GPR21: variants seen among roughly 807,000 people sequenced by gnomAD.
The protein encoded by GPR21 is probable G protein-coupled receptor 21.
Under a neutral mutation model 21.5 loss-of-function variants are expected in GPR21, and 9 were observed. The observed-to-expected ratio is 0.42, with a 90% confidence interval of 0.25 to 0.73. The LOEUF is 0.73. Ranked by LOEUF, GPR21 falls within the 30% of genes least tolerant of loss-of-function variation. The pLI is 0.27. For synonymous variants in GPR21, 169 were observed against 159.3 expected, an observed-to-expected ratio of 1.06 and a Z score of -0.46; for missense variants, 416 against 428.9, an observed-to-expected ratio of 0.97 and a Z score of 0.27.
chr9:123,035,127 C>A lies in GPR21; in HGVS notation c.561C>A (p.Thr187=). 6.2e-7 allele frequency: 1 copy of A among 1,613,672 alleles called. No individual in the cohort carries two copies. The highest frequency in any genetic ancestry group is 8.5e-7 in the Non-Finnish European group (1 of 1,179,618). Residue 187 remains threonine, a synonymous_variant, in exon 2 of 2, where the codon ACC becomes ACA. Transcript: ENST00000616002. Reference sequence around the variant, plus strand: ...AGTGGTGTGCGGAGTCCTGGCACACCGACTCCTACTTCACCCTGTTCATCG... The same window carrying A: ...AGTGGTGTGCGGAGTCCTGGCACACAGACTCCTACTTCACCCTGTTCATCG... The part of the protein sequence containing the change: ...VFQWCAESWH[T]DSYFTLFIVM...
At chr9:123,042,981 CTT>C in the GPR21 span, among the ~76,000 whole-genome samples, 22 of 152,152 alleles carry the variant, frequency 1.4e-4, no homozygotes, top group African/African-American at 5.1e-4. Context: ...TAGCAGAGGA[CTT>C]TTTGCCACAA....
the GPR21 span, among the ~76,000 whole-genome samples, chr9:123,042,927 GC>G: frequency 6.6e-6 from 1 of 152,272 alleles, no homozygotes. Flanking sequence ...ATGGGGTGGG[GC>G]ATGGATGGTG....
In GPR21 at chr9:123,034,812, C is replaced by T. The variant is rs750356676; in HGVS notation, c.246C>T (p.Cys82=). The T allele has an allele frequency of 3.1e-5, 50 of 1,613,592 alleles. No homozygotes were observed. The highest frequency in any genetic ancestry group is 2.0e-4 in the Admixed American group (12 of 59,984). ...CTGACCTTTTTGTTGGGGTGAGCTG[C>T]GTGGTCCCTTCTTTATCACTCCTCC... ...AYADLFVGVS[C]VVPSLSLLHH... The change falls in exon 2 of 2, where the codon TGC becomes TGT. Residue 82 remains cysteine, a synonymous_variant. Transcript: ENST00000616002.
downstream of GPR21, among the ~76,000 whole-genome samples, chr9:123,036,973 G>A (rs2032697678): frequency 6.6e-6 from 1 of 152,154 alleles, no homozygotes; most frequent in African/African-American, 2.4e-5. Context: ...TTTCTAAAAG[G>A]AGAGAAGGAA....
chr9:123,038,192 C>T (rs1246951961), downstream of GPR21, among the ~76,000 whole-genome samples: 1 of 152,042 alleles, frequency 6.6e-6, no homozygotes, highest in African/African-American at 2.4e-5. Context: ...TATCCTGACA[C>T]TAGATTGGAT....
the GPR21 span, among the ~76,000 whole-genome samples, chr9:123,048,392 C>T: frequency 2.2e-4 from 33 of 152,214 alleles, no homozygotes; most frequent in South Asian, 1.9e-3. Context: ...TCCATTGATT[C>T]GATTATTTAA....
Position 123,035,578 on chromosome 9 carries a change from G to T in GPR21, c.1012G>T (p.Val338Phe). 6.2e-7 allele frequency: 1 copy of T among 1,604,112 alleles called. No homozygotes were observed. The highest frequency in any genetic ancestry group is 1.7e-4 in the Middle Eastern group (1 of 5,980). ...GACTACAGCCAACGACCCTTACACA[G>T]TTAGAAGCAAAGGCCCTCTTAATGG... is the stretch of plus-strand genomic sequence containing the variant. ...SQTTANDPYT[V>F]RSKGPLNGCH... Residue 338 changes from valine (V) to phenylalanine (F), a missense_variant, in exon 2 of 2, where the codon GTT becomes TTT. By Grantham distance (50) the Val-to-Phe change is conservative. Transcript: ENST00000616002.
At chr9:123,035,714 GGAAATCTGGGACA>G, downstream of GPR21, 1 of 760,378 alleles carries the variant, frequency 1.3e-6, no homozygotes, top group Non-Finnish European at 2.1e-6. Context: ...TAATTCACTA[GGAAATCTGGGACA>G]GAATACTTTG....
At chr9:123,048,938 T>C in the GPR21 span, among the ~76,000 whole-genome samples, 1 of 152,238 alleles carries the variant, frequency 6.6e-6, no homozygotes, top group African/African-American at 2.4e-5. Context: ...ATAATTTTCC[T>C]GTGGGAAACT....
At chr9:123,045,177 G>A in the GPR21 span, among the ~76,000 whole-genome samples, 1 of 152,152 alleles carries the variant, frequency 6.6e-6, no homozygotes, top group African/African-American at 2.4e-5. Flanking sequence ...TTACTGAGTT[G>A]AATTGTTAAG....
the GPR21 span, among the ~76,000 whole-genome samples, chr9:123,043,279 GCT>G: frequency 6.6e-6 from 1 of 152,174 alleles, no homozygotes; most frequent in Non-Finnish European, 1.5e-5. Flanking sequence ...AGGAAGGAAA[GCT>G]CTACGAAAGC....
chr9:123,038,341 C>T (rs2032778030), downstream of GPR21, among the ~76,000 whole-genome samples: 1 of 152,010 alleles, frequency 6.6e-6, no homozygotes, highest in Non-Finnish European at 1.5e-5. Context: ...ATAATGGTCT[C>T]AGTATTTTAA....
At position 123,034,784 on chromosome 9, in the gene GPR21, A is replaced by G. The variant is rs1471444549; in HGVS notation, c.218A>G (p.Tyr73Cys). Reference protein sequence around the residue: ...TTSYFIQTMAYADLFVGVSCV... With the variant: ...TTSYFIQTMACADLFVGVSCV... ...AGTTATTTTATCCAGACTATGGCATATGCTGACCTTTTTGTTGGGGTGAGC... is the reference window on the plus strand; with the variant it reads ...AGTTATTTTATCCAGACTATGGCATGTGCTGACCTTTTTGTTGGGGTGAGC... The change falls in exon 2 of 2, where the codon TAT becomes TGT. Residue 73 changes from tyrosine to cysteine, a missense_variant. Transcript: ENST00000616002. 6.2e-7 allele frequency: 1 copy of G among 1,613,874 alleles called. No individual in the cohort carries two copies. Among genetic ancestry groups the G allele is most frequent in the South Asian group, 1.1e-5 (1 of 91,062 alleles).
At position 123,034,411 on chromosome 9, in the gene GPR21, T is replaced by C. The variant is rs1454014816; in HGVS notation, c.-156T>C. ...TAAAGGGGAATTGCACTGCAGGCAA[T>C]GCACCAGAGCAGCAGCATCAGGAGC... On this transcript the variant is annotated 5_prime_UTR_variant, in exon 2 of 2. The change abolishes an upstream ATG in the 5' untranslated region. Coordinates refer to ENST00000616002, the MANE Select transcript of GPR21 (RefSeq NM_005294.3). The C allele has an allele frequency of 1.6e-6, 1 of 621,456 alleles. No individual in the cohort carries two copies. Among genetic ancestry groups the C allele is most frequent in the Non-Finnish European group, 2.8e-6 (1 of 351,028 alleles). 38.5% of individuals were successfully genotyped at this position (621,456 alleles called of 1,614,324 possible). A position where few individuals can be genotyped will look rare whatever the true frequency, so the allele number is the denominator to read the frequency against.
At chr9:123,041,174 A>G in the GPR21 span, among the ~76,000 whole-genome samples, 1 of 152,206 alleles carries the variant, frequency 6.6e-6, no homozygotes, top group African/African-American at 2.4e-5. Context: ...AATACTTCCA[A>G]CACTGTAAGA....
chr9:123,041,702 C>T, the GPR21 span, among the ~76,000 whole-genome samples: 1 of 152,178 alleles, frequency 6.6e-6, no homozygotes, highest in Non-Finnish European at 1.5e-5. Flanking sequence ...GTAACTGACT[C>T]AGCGGAATCA....
chr9:123,044,295 G>T, the GPR21 span, among the ~76,000 whole-genome samples: 1 of 152,160 alleles, frequency 6.6e-6, no homozygotes, highest in South Asian at 2.1e-4. Context: ...GGAGGCCCAG[G>T]TATAGAACAT....
chr9:123,038,233 C>G (rs1210303985), downstream of GPR21, among the ~76,000 whole-genome samples: 1 of 152,046 alleles, frequency 6.6e-6, no homozygotes, highest in East Asian at 1.9e-4. Flanking sequence ...CCTATTGACT[C>G]TTACTCAAAA....
rs755537946 is a variant in GPR21, at chr9:123,035,638, CCGTGTGTG to C, written c.*23_*30del. On this transcript the variant is annotated 3_prime_UTR_variant, in exon 2 of 2. Transcript: ENST00000616002. ...CTGAAGTGGCTCAGTTACGGGGTTCCCGTGTGTGTGTGTGTGTGTGTGTGTGTGTGTGT... is the reference window on the plus strand; with the variant it reads ...CTGAAGTGGCTCAGTTACGGGGTTCCTGTGTGTGTGTGTGTGTGTGTGTGT... 10 of 1,159,200 alleles carry C rather than the reference CCGTGTGTG, an allele frequency of 8.6e-6. No homozygotes were observed. The highest frequency in any genetic ancestry group is 1.1e-5 in the Non-Finnish European group (9 of 819,100). The allele number at this position is 1,159,200 out of a possible 1,614,324, so 71.8% of individuals were successfully genotyped here. A position where few individuals can be genotyped will look rare whatever the true frequency, so the allele number is the denominator to read the frequency against.
Sources: gnomAD v4.1 joint callset for allele counts (sites outside exome capture counted in the v4.1 genomes callset) on GRCh38, gnomAD v4.1.1 for gene constraint, MANE v1.5 for transcripts, NCBI Gene and HGNC (gene_info 2026-07-23, HGNC 2026-07-21) for gene names.